The following DYM variants were observed in gnomAD, a reference collection of about 807,000 sequenced individuals.
DYM encodes the protein dymeclin, also known as dyggve-Melchior-Clausen syndrome protein.
DYM carries 78 observed loss-of-function variants against 93.1 expected under a neutral mutation model. The ratio of observed to expected loss-of-function variants is 0.84; its 90% confidence interval spans 0.70 to 1.01. The LOEUF (loss-of-function observed/expected upper bound fraction) is 1.01. Ranked by LOEUF, DYM falls within the 50% of genes least tolerant of loss-of-function variation. The pLI, the probability that DYM is intolerant of heterozygous loss-of-function variation, is 0.00. For synonymous variants in DYM, 321 were observed against 319.7 expected (o/e 1.00, Z -0.04); for missense variants, 789 against 845.0 (o/e 0.93, Z 0.82).
At chr18:49,438,295 C>T (rs188689714) in intron 1 of DYM, among the ~76,000 whole-genome samples, 2 of 152,096 alleles carry the variant, frequency 1.3e-5, no homozygotes, top group African/African-American at 4.8e-5. Flanking sequence ...CAAAAAAAAT[C>T]GAGACAGCCA....
At chr18:49,063,550 C>G (rs896087362) in intron 17 of DYM, among the ~76,000 whole-genome samples, 2 of 150,054 alleles carry the variant, frequency 1.3e-5, no homozygotes, top group South Asian at 2.1e-4. Flanking sequence ...ATGAAGTGCT[C>G]TAATAGCTGG....
At chr18:49,265,744 C>T (rs2094558820) in intron 11 of DYM, among the ~76,000 whole-genome samples, 2 of 146,240 alleles carry the variant, frequency 1.4e-5, no homozygotes, top group South Asian at 2.2e-4. Flanking sequence ...CGCCATTGCA[C>T]TCCAGCCTGG....
chr18:49,235,577 G>A (rs1180423038), intron 13 of DYM, among the ~76,000 whole-genome samples: 1 of 152,122 alleles, frequency 6.6e-6, no homozygotes, highest in Non-Finnish European at 1.5e-5. Flanking sequence ...CATTTAGTCT[G>A]TGGCCCAATT....
chr18:49,153,921 T>C (rs1234172512), intron 15 of DYM, among the ~76,000 whole-genome samples: 1 of 151,888 alleles, frequency 6.6e-6, no homozygotes, highest in African/African-American at 2.4e-5. Flanking sequence ...AAGAGAAAAA[T>C]AACAAATTTA....
At position 49,082,381 on chromosome 18, in the gene DYM, T is replaced by C. The variant is rs1023888423; in HGVS notation, c.2025+15021A>G. On this transcript the variant is annotated intron_variant, in intron 17 of 17. Coordinates refer to ENST00000675505, the MANE Select transcript of DYM (RefSeq NM_001353214.3). ...ATGTTCAGACTTTCTAGTTGTTTTC[T>C]GTAGGGTGTATTATCTGGTAGGGTC... Among the ~76,000 whole-genome samples the C allele has an allele frequency of 5.3e-5, 8 of 152,246 alleles. No homozygotes were observed. In the South Asian group the frequency reaches 8.3e-4, roughly 16 times the overall value.
chr18:49,338,629 A>G (rs2063844941), intron 6 of DYM, among the ~76,000 whole-genome samples: 1 of 152,252 alleles, frequency 6.6e-6, no homozygotes, highest in African/African-American at 2.4e-5. Context: ...ATAATATACA[A>G]TAAAGATTAC....
At chr18:49,307,593 C>A (rs759942942) in intron 8 of DYM, among the ~76,000 whole-genome samples, 2 of 152,140 alleles carry the variant, frequency 1.3e-5, no homozygotes, top group Non-Finnish European at 2.9e-5. Context: ...CACTGCCACA[C>A]CTCATCTGAG....
intron 17 of DYM, chr18:49,048,246 T>C (rs1248247968): frequency 1.3e-5 from 2 of 152,078 alleles, no homozygotes; most frequent in Non-Finnish European, 2.9e-5. Context: ...GAAGAAGAAA[T>C]GAAACTCATC....
chr18:49,203,178 T>TG (rs1260813751), intron 14 of DYM, among the ~76,000 whole-genome samples: 2 of 72,160 alleles, frequency 2.8e-5, no homozygotes, highest in African/African-American at 5.6e-5. Flanking sequence ...GGAGGGAGGT[T>TG]GGGGGGTCAG....
intron 8 of DYM, among the ~76,000 whole-genome samples, chr18:49,324,409 A>T (rs1041288457): frequency 6.6e-6 from 1 of 152,216 alleles, no homozygotes; most frequent in African/African-American, 2.4e-5. Context: ...TAGATAAATT[A>T]GTCAATAAGA....
At chr18:49,066,075 CAA>C (rs1344679477) in intron 17 of DYM, among the ~76,000 whole-genome samples, 1 of 151,906 alleles carries the variant, frequency 6.6e-6, no homozygotes, top group Non-Finnish European at 1.5e-5. Context: ...GAAAAGTTCC[CAA>C]GTGTAAAAGT....
intron 14 of DYM, among the ~76,000 whole-genome samples, chr18:49,208,091 G>C (rs2092608324): frequency 6.7e-6 from 1 of 148,582 alleles, no homozygotes; most frequent in African/African-American, 2.5e-5. Context: ...GCTGAGGTGG[G>C]AGAACTGCTT....
intron 16 of DYM, among the ~76,000 whole-genome samples, chr18:49,100,954 G>A (rs1054945683): frequency 6.6e-6 from 1 of 152,198 alleles, no homozygotes; most frequent in Non-Finnish European, 1.5e-5. Context: ...AGTGAAAGGT[G>A]TAAGTTGTTC....
chr18:49,322,857 A>T (rs758434824), intron 8 of DYM, among the ~76,000 whole-genome samples: 3 of 152,122 alleles, frequency 2.0e-5, no homozygotes, highest in Non-Finnish European at 2.9e-5. Flanking sequence ...TGCTCATTTG[A>T]TCTCAGCAGC....
chr18:49,412,712 A>G (rs919294704), intron 2 of DYM, among the ~76,000 whole-genome samples: 1 of 152,228 alleles, frequency 6.6e-6, no homozygotes, highest in African/African-American at 2.4e-5. Context: ...ATAAAATTGA[A>G]CATAAAGTGT....
chr18:49,137,941 T>C (rs184384818), intron 15 of DYM, among the ~76,000 whole-genome samples: 121 of 152,292 alleles, frequency 7.9e-4, no homozygotes, highest in African/African-American at 2.9e-3. Flanking sequence ...AAAATAGTTC[T>C]AAAAACCCCT....
At chr18:49,398,849 G>A (rs554351814) in intron 2 of DYM, among the ~76,000 whole-genome samples, 12 of 152,292 alleles carry the variant, frequency 7.9e-5, no homozygotes, top group South Asian at 2.1e-4. Flanking sequence ...GAATTACTCG[G>A]TTTATTGGTT....
At chr18:49,389,565 T>C (rs1256074329) in intron 3 of DYM, among the ~76,000 whole-genome samples, 2 of 152,114 alleles carry the variant, frequency 1.3e-5, no homozygotes, top group African/African-American at 2.4e-5. Context: ...GGCGCCATCA[T>C]GGTTCCCTGC....
intron 11 of DYM, among the ~76,000 whole-genome samples, chr18:49,259,687 TCAC>T: frequency 6.6e-6 from 1 of 152,206 alleles, no homozygotes; most frequent in Admixed American, 6.5e-5. Flanking sequence ...AAGTCCATAC[TCAC>T]TGAAAGAACA....
Sources: gnomAD v4.1 joint callset for allele counts (sites outside exome capture counted in the v4.1 genomes callset) on GRCh38, gnomAD v4.1.1 for gene constraint, MANE v1.5 for transcripts, NCBI Gene and HGNC (gene_info 2026-07-23, HGNC 2026-07-21) for gene names.